The following HS6ST3 variants were observed in gnomAD, a reference collection of about 807,000 sequenced individuals.
HS6ST3 encodes heparan sulfate 6-O-sulfotransferase 3, also known as heparan-sulfate 6-O-sulfotransferase 3.
HS6ST3 carries 12 observed loss-of-function variants against 36.7 expected under a neutral mutation model. That is an observed-to-expected ratio of 0.33 (90% CI 0.21 to 0.53). HS6ST3 has a LOEUF of 0.53. HS6ST3 is among the 20% of genes least tolerant of loss of function. The probability of loss-of-function intolerance (pLI) is 0.95; values close to 1 mark genes in which losing one functional copy is unlikely to be tolerated. For missense variants in HS6ST3, 584 were observed against 640.9 expected, an observed-to-expected ratio of 0.91 and a Z score of 0.96; for synonymous variants, 240 against 257.5, an observed-to-expected ratio of 0.93 and a Z score of 0.65.
intron 1 of HS6ST3, among the ~76,000 whole-genome samples, chr13:96,375,976 C>G (rs145616188): frequency 6.6e-6 from 1 of 152,172 alleles, no homozygotes; most frequent in East Asian, 1.9e-4. Context: ...GTTTTGAGTT[C>G]CTGGCATTTT....
At chr13:96,327,072 G>T (rs1167268960) in intron 1 of HS6ST3, among the ~76,000 whole-genome samples, 1 of 141,540 alleles carries the variant, frequency 7.1e-6, no homozygotes, top group African/African-American at 2.7e-5. Context: ...GTAGATTCTG[G>T]ATATTAGCCC....
At chr13:96,386,609 G>A (rs1330205240) in intron 1 of HS6ST3, among the ~76,000 whole-genome samples, 5 of 152,138 alleles carry the variant, frequency 3.3e-5, no homozygotes, top group Non-Finnish European at 7.3e-5. Flanking sequence ...GCTCACACCT[G>A]TAATCTCAGC....
chr13:96,714,704 A>T (rs1158413262), intron 1 of HS6ST3, among the ~76,000 whole-genome samples: 1 of 152,056 alleles, frequency 6.6e-6, no homozygotes, highest in African/African-American at 2.4e-5. Context: ...TATTCTTTTT[A>T]AAATTGTTTT....
intron 1 of HS6ST3, among the ~76,000 whole-genome samples, chr13:96,693,959 T>C (rs892140503): frequency 6.6e-6 from 1 of 152,194 alleles, no homozygotes; most frequent in Non-Finnish European, 1.5e-5. Context: ...TGAGCAGTCA[T>C]TTCCTTCTTA....
intron 1 of HS6ST3, among the ~76,000 whole-genome samples, chr13:96,685,251 T>C (rs549090829): frequency 6.6e-6 from 1 of 152,234 alleles, no homozygotes; most frequent in East Asian, 1.9e-4. Flanking sequence ...ATTATTTTGC[T>C]TAAGTCAAGA....
chr13:96,417,219 A>G (rs1028691197), intron 1 of HS6ST3, among the ~76,000 whole-genome samples: 4 of 152,112 alleles, frequency 2.6e-5, no homozygotes, highest in Non-Finnish European at 4.4e-5. Context: ...GTGAACCAAT[A>G]AATTGATTCA....
chr13:96,164,697 C>T (rs1943286181), intron 1 of HS6ST3, among the ~76,000 whole-genome samples: 1 of 152,272 alleles, frequency 6.6e-6, no homozygotes, highest in East Asian at 1.9e-4. Context: ...ACTTTCCATG[C>T]ACAGAAGAAA....
chr13:96,672,793 T>G (rs904396399), intron 1 of HS6ST3, among the ~76,000 whole-genome samples: 23 of 152,292 alleles, frequency 1.5e-4, no homozygotes, highest in African/African-American at 5.1e-4. Context: ...GTAAATCATA[T>G]TCCCTGAGTA....
At chr13:96,723,992 T>C (rs1875921411) in intron 1 of HS6ST3, among the ~76,000 whole-genome samples, 1 of 152,202 alleles carries the variant, frequency 6.6e-6, no homozygotes, top group Non-Finnish European at 1.5e-5. Flanking sequence ...TTTTTTTCTT[T>C]AGTCTCCTTT....
Position 96,244,046 on chromosome 13 carries a change from G to A in HS6ST3, c.707+152477G>A, listed in dbSNP as rs1019638738. Among the ~76,000 whole-genome samples, 8 of 151,574 alleles carry A rather than the reference G, an allele frequency of 5.3e-5. No individual in the cohort carries two copies. In the East Asian group the frequency reaches 1.4e-3, roughly 26 times the overall value. On this transcript the variant is annotated intron_variant, in intron 1 of 1. Transcript: ENST00000376705. The stretch of plus-strand genomic sequence containing the variant: ...AATCTTAATTTGTTCAAATTAAAAT[G>A]AATGTAGGAAGATAATAAAGCTGTT...
At chr13:96,646,297 C>T (rs536493208) in intron 1 of HS6ST3, among the ~76,000 whole-genome samples, 4 of 152,106 alleles carry the variant, frequency 2.6e-5, no homozygotes. Context: ...TTACCCTTTT[C>T]ATACTTTGCT....
chr13:96,748,836 G>T (rs1253276060), intron 1 of HS6ST3, among the ~76,000 whole-genome samples: 1 of 151,986 alleles, frequency 6.6e-6, no homozygotes, highest in African/African-American at 2.4e-5. Context: ...GAAGAGTCTG[G>T]TTGTCACTAA....
chr13:96,119,543 T>C (rs2053914989), intron 1 of HS6ST3, among the ~76,000 whole-genome samples: 1 of 152,174 alleles, frequency 6.6e-6, no homozygotes, highest in Admixed American at 6.5e-5. Context: ...TTTAAGATGG[T>C]CTGAACTACT....
At chr13:96,451,461 AG>A (rs1391972140) in intron 1 of HS6ST3, among the ~76,000 whole-genome samples, 4 of 152,194 alleles carry the variant, frequency 2.6e-5, no homozygotes, top group Admixed American at 2.6e-4. Flanking sequence ...TTTCCAAGCA[AG>A]GGTATTAATT....
At chr13:96,444,919 G>T (rs559025577) in intron 1 of HS6ST3, among the ~76,000 whole-genome samples, 22 of 152,168 alleles carry the variant, frequency 1.4e-4, no homozygotes, top group Admixed American at 2.6e-4. Flanking sequence ...CTTGAATCTC[G>T]TAGACATACT....
intron 1 of HS6ST3, among the ~76,000 whole-genome samples, chr13:96,209,931 A>G (rs1203760095): frequency 6.6e-6 from 1 of 152,164 alleles, no homozygotes; most frequent in African/African-American, 2.4e-5. Flanking sequence ...GTCTGAAAAT[A>G]TCATTTTAGT....
intron 1 of HS6ST3, among the ~76,000 whole-genome samples, chr13:96,685,480 G>A (rs1874750272): frequency 6.6e-6 from 1 of 151,986 alleles, no homozygotes; most frequent in Admixed American, 6.6e-5. Flanking sequence ...TTTATATGGT[G>A]GGTTTCATGC....
At chr13:96,264,967 C>T (rs1930222) in intron 1 of HS6ST3, among the ~76,000 whole-genome samples, 1 of 151,954 alleles carries the variant, frequency 6.6e-6, no homozygotes, top group African/African-American at 2.4e-5. Context: ...TATCAAATTC[C>T]CAACCCAAAG....
intron 1 of HS6ST3, among the ~76,000 whole-genome samples, chr13:96,571,498 C>T (rs2056300824): frequency 6.6e-6 from 1 of 152,182 alleles, no homozygotes; most frequent in African/African-American, 2.4e-5. Flanking sequence ...TTATCTGTGT[C>T]AGGTTCCTCT....
Sources: allele counts gnomAD v4.1 joint callset (sites outside exome capture counted in the v4.1 genomes callset), GRCh38; gene constraint gnomAD v4.1.1; transcripts MANE v1.5; gene names NCBI Gene and HGNC (gene_info 2026-07-23, HGNC 2026-07-21).